Variants in KCNIP4 observed in about 807,000 individuals in gnomAD.
KCNIP4 encodes potassium voltage-gated channel interacting protein 4.
KCNIP4 carries 12 observed loss-of-function variants against 34.0 expected under a neutral mutation model. That is an observed-to-expected ratio of 0.35 (90% confidence interval 0.23 to 0.57). The LOEUF is 0.57. Ranked by LOEUF, KCNIP4 falls within the 20% of genes least tolerant of loss-of-function variation. The pLI is 0.83. For missense variants in KCNIP4, 238 were observed against 311.7 expected (o/e 0.76, Z 1.78); for synonymous variants, 124 against 102.2 (o/e 1.21, Z -1.29).
intron 1 of KCNIP4, among the ~76,000 whole-genome samples, chr4:21,007,137 CA>C (rs1194915991): frequency 6.6e-6 from 1 of 152,142 alleles, no homozygotes; most frequent in Non-Finnish European, 1.5e-5. Context: ...TAATTAAAAT[CA>C]GCAGGTCTGG....
chr4:21,456,474 A>G (rs926400316), intron 1 of KCNIP4, among the ~76,000 whole-genome samples: 4 of 148,074 alleles, frequency 2.7e-5, no homozygotes, highest in Non-Finnish European at 5.9e-5. Flanking sequence ...ACCCACCTAT[A>G]TATTTTCTTA....
intron 1 of KCNIP4, among the ~76,000 whole-genome samples, chr4:21,795,862 G>A (rs1375325883): frequency 6.6e-6 from 1 of 152,200 alleles, no homozygotes; most frequent in Non-Finnish European, 1.5e-5. Context: ...GAGGCCAGGA[G>A]TTTGAGACCA....
intron 1 of KCNIP4, among the ~76,000 whole-genome samples, chr4:21,296,585 G>A (rs1763852951): frequency 6.6e-6 from 1 of 151,726 alleles, no homozygotes; most frequent in African/African-American, 2.4e-5. Flanking sequence ...AGAAACTGAA[G>A]TACTGAGGGT....
At chr4:21,490,274 T>C (rs561851997) in intron 1 of KCNIP4, among the ~76,000 whole-genome samples, 134 of 152,208 alleles carry the variant, frequency 8.8e-4, no homozygotes, top group Non-Finnish European at 1.6e-3. Context: ...TCAACTACTT[T>C]TCTTATTTGA....
At chr4:21,276,012 TG>T (rs1456439483) in intron 1 of KCNIP4, among the ~76,000 whole-genome samples, 1 of 152,224 alleles carries the variant, frequency 6.6e-6, no homozygotes, top group Non-Finnish European at 1.5e-5. Context: ...ACATTTGTGT[TG>T]GGGCCACAGT....
intron 1 of KCNIP4, among the ~76,000 whole-genome samples, chr4:21,288,607 T>C (rs1408294242): frequency 6.6e-6 from 1 of 152,202 alleles, no homozygotes; most frequent in Non-Finnish European, 1.5e-5. Flanking sequence ...TTTTTACTGA[T>C]GAAGAAACTG....
intron 1 of KCNIP4, among the ~76,000 whole-genome samples, chr4:21,916,691 A>C (rs572914446): frequency 6.6e-6 from 1 of 152,340 alleles, no homozygotes; most frequent in South Asian, 2.1e-4. Context: ...AATCAAAGTG[A>C]ATGCTATTCT....
intron 1 of KCNIP4, among the ~76,000 whole-genome samples, chr4:21,317,995 C>T (rs1016790913): frequency 5.3e-5 from 8 of 152,062 alleles, no homozygotes; most frequent in African/African-American, 1.9e-4. Flanking sequence ...ATGTCTTTAC[C>T]AGCAGTGTGA....
chr4:21,408,850 C>T (rs1355928459), intron 1 of KCNIP4, among the ~76,000 whole-genome samples: 5 of 152,202 alleles, frequency 3.3e-5, no homozygotes, highest in Admixed American at 3.3e-4. Context: ...TTTCTTTCTA[C>T]TATTTCACTT....
Position 21,804,031 on chromosome 4 carries a change from G to A in KCNIP4, c.61+144540C>T, listed in dbSNP as rs560651461. Among the ~76,000 whole-genome samples the A allele has an allele frequency of 2.6e-5, 4 of 152,342 alleles. No individual in the cohort carries two copies. The South Asian group carries it at 8.3e-4, about 32-fold the overall frequency. ...GAAAGGTCTCAGTAGAGGTTATTAA[G>A]AGGGGCTTGGTACAAGATTTGGCTT... On this transcript the variant is annotated intron_variant, in intron 1 of 8. Transcript: ENST00000382152.
intron 1 of KCNIP4, among the ~76,000 whole-genome samples, chr4:21,255,622 C>A (rs111884891): frequency 6.7e-6 from 1 of 149,564 alleles, no homozygotes; most frequent in Non-Finnish European, 1.5e-5. Context: ...CTTTTCTGAC[C>A]CTTAGTATCT....
Position 21,504,508 on chromosome 4 carries a change from G to GA in KCNIP4, c.61+444062dup, listed in dbSNP as rs1392434479. 4.5e-3 allele frequency among the ~76,000 whole-genome samples: 546 copies of GA among 121,484 alleles called. 6 individuals carry two copies. Among genetic ancestry groups the GA allele is most frequent in the Non-Finnish European group, 5.3e-3 (304 of 57,274 alleles). 79.7% of individuals were successfully genotyped at this position (121,484 alleles called of 152,430 possible). A position where few individuals can be genotyped will look rare whatever the true frequency, so the allele number is the denominator to read the frequency against. ...GAAAGAAAGAAAGAAAGAAAGAAAG[G>GA]AAGGAAGGAAGAAAGCAAGCAAGCA... On this transcript the variant is annotated intron_variant, in intron 1 of 8. Transcript: ENST00000382152.
At chr4:21,709,303 T>G (rs921435023) in intron 1 of KCNIP4, among the ~76,000 whole-genome samples, 1 of 152,130 alleles carries the variant, frequency 6.6e-6, no homozygotes, top group Non-Finnish European at 1.5e-5. Context: ...CAGGTAGAGG[T>G]TGAGAGCTGA....
At chr4:21,931,986 T>C (rs906394087) in intron 1 of KCNIP4, among the ~76,000 whole-genome samples, 2 of 152,070 alleles carry the variant, frequency 1.3e-5, no homozygotes, top group Non-Finnish European at 1.5e-5. Flanking sequence ...CAATTACACA[T>C]TGTAGTTGGG....
chr4:21,051,280 T>G lies in KCNIP4; in HGVS notation c.62-168571A>C, dbSNP rs530151330. On this transcript the variant is annotated intron_variant, in intron 1 of 8. Coordinates refer to ENST00000382152, the MANE Select transcript of KCNIP4 (RefSeq NM_025221.6). ...GTTTTAAAGAGACTACATTTAAGTT[T>G]TGATAGATAAGCAAGGTAAATGGCA... is the stretch of plus-strand genomic sequence containing the variant. 5.3e-5 allele frequency among the ~76,000 whole-genome samples: 8 copies of G among 152,328 alleles called. No individual in the cohort carries two copies. The South Asian group carries it at 1.7e-3, about 32-fold the overall frequency.
intron 5 of KCNIP4, among the ~76,000 whole-genome samples, chr4:20,743,090 A>G (rs1485493775): frequency 6.6e-6 from 1 of 152,060 alleles, no homozygotes; most frequent in Non-Finnish European, 1.5e-5. Flanking sequence ...TATGTGAACT[A>G]CGAACCACTG....
intron 1 of KCNIP4, among the ~76,000 whole-genome samples, chr4:21,321,178 G>T (rs1427453884): frequency 6.6e-6 from 1 of 152,106 alleles, no homozygotes; most frequent in Non-Finnish European, 1.5e-5. Context: ...ATGGTTATTT[G>T]TTATGAAATG....
At chr4:21,133,852 T>C (rs1464582232) in intron 1 of KCNIP4, among the ~76,000 whole-genome samples, 1 of 152,202 alleles carries the variant, frequency 6.6e-6, no homozygotes, top group African/African-American at 2.4e-5. Flanking sequence ...ACATACACAC[T>C]AGAAAGCCCA....
chr4:21,041,197 G>T (rs1009044769), intron 1 of KCNIP4, among the ~76,000 whole-genome samples: 2 of 151,598 alleles, frequency 1.3e-5, no homozygotes, highest in African/African-American at 4.9e-5. Context: ...ATGTGGTAGA[G>T]ATACAGTTGG....
Sources: gnomAD v4.1 joint callset for allele counts (sites outside exome capture counted in the v4.1 genomes callset) on GRCh38, gnomAD v4.1.1 for gene constraint, MANE v1.5 for transcripts, NCBI Gene and HGNC (gene_info 2026-07-23, HGNC 2026-07-21) for gene names.